Variants in DHRSX observed in about 807,000 individuals in gnomAD.
DHRSX encodes polyprenol dehydrogenase.
Under a neutral mutation model 34.0 loss-of-function variants are expected in DHRSX, and 31 were observed. The ratio of observed to expected loss-of-function variants is 0.91; its 90% CI spans 0.69 to 1.23. The LOEUF (loss-of-function observed/expected upper bound fraction) is 1.23. Among genes scored for constraint, DHRSX ranks in the 50% most tolerant of loss-of-function variants. The pLI is 0.00. For missense variants in DHRSX, 414 were observed against 428.1 expected (o/e 0.97, Z 0.29); for synonymous variants, 201 against 183.8 (o/e 1.09, Z -0.76).
chrX:2,327,108 C>T (rs1369619819), intron 3 of DHRSX, among the ~76,000 whole-genome samples: 15 of 152,142 alleles, frequency 9.9e-5, no homozygotes, highest in African/African-American at 3.6e-4. Flanking sequence ...CCACCGTGCC[C>T]GACCAGATTT....
At chrX:2,328,889 T>C (rs145461883) in intron 3 of DHRSX, among the ~76,000 whole-genome samples, 2,016 of 151,454 alleles carry the variant, frequency 0.013, 59 homozygotes, top group African/African-American at 0.046. Flanking sequence ...CCCGGAAGAG[T>C]GTTCTGTATG....
chrX:2,330,551 A>AAGGG (rs1196480422), intron 3 of DHRSX, among the ~76,000 whole-genome samples: 1 of 124,518 alleles, frequency 8.0e-6, no homozygotes, highest in Non-Finnish European at 1.7e-5. Flanking sequence ...AAGGGAAGGG[A>AAGGG]AGGGAGGGGA....
At chrX:2,359,685 A>G (rs1291673979) in intron 3 of DHRSX, among the ~76,000 whole-genome samples, 3 of 152,060 alleles carry the variant, frequency 2.0e-5, no homozygotes, top group South Asian at 2.1e-4. Flanking sequence ...ATATCAAAAA[A>G]AAAGAAAGAA....
At chrX:2,330,895 G>A (rs2042464108) in intron 3 of DHRSX, among the ~76,000 whole-genome samples, 2 of 152,132 alleles carry the variant, frequency 1.3e-5, no homozygotes, top group South Asian at 4.1e-4. Context: ...CAAAGAGCCT[G>A]GTCCAGGCCA....
Position 2,374,774 on chromosome X carries a change from T to A in DHRSX, c.286+33971A>T, listed in dbSNP as rs1313145740. On this transcript the variant is annotated intron_variant, in intron 3 of 6. Transcript: ENST00000334651. Reference sequence around the variant, plus strand: ...AAAAAACAAAAAACGAAAAACAAAGTCTTCTCGAAACAGACCACAGCAAGG... The same window carrying A: ...AAAAAACAAAAAACGAAAAACAAAGACTTCTCGAAACAGACCACAGCAAGG... Among the ~76,000 whole-genome samples, 2 of 125,402 alleles carry A rather than the reference T, an allele frequency of 1.6e-5. 1 individual carries two copies. The highest frequency in any genetic ancestry group is 3.8e-5 in the Non-Finnish European group (2 of 52,826). The allele number at this position is 125,402 out of a possible 152,430, so 82.3% of individuals were successfully genotyped here. A position where few individuals can be genotyped will look rare whatever the true frequency, so the allele number is the denominator to read the frequency against.
At chrX:2,399,045 G>T (rs1411251766) in intron 3 of DHRSX, among the ~76,000 whole-genome samples, 1 of 151,862 alleles carries the variant, frequency 6.6e-6, no homozygotes, top group Non-Finnish European at 1.5e-5. Context: ...TAGTAGAGAC[G>T]GGGTTTCACT....
intron 4 of DHRSX, among the ~76,000 whole-genome samples, chrX:2,275,847 A>AAT (rs1417170328): frequency 0.016 from 2,452 of 150,830 alleles, 38 homozygotes; most frequent in Non-Finnish European, 0.025. Flanking sequence ...AAAAATTTTA[A>AAT]TTTAATTTTA....
At chrX:2,289,019 C>T (rs1439343290) in intron 4 of DHRSX, among the ~76,000 whole-genome samples, 1 of 152,200 alleles carries the variant, frequency 6.6e-6, no homozygotes, top group Non-Finnish European at 1.5e-5. Context: ...CCTGTATCCA[C>T]TGTCACAGAT....
At chrX:2,243,790 T>TTTTTTTTGTTTTTTTTTG (rs1244218317) in intron 5 of DHRSX, among the ~76,000 whole-genome samples, 7 of 26,074 alleles carry the variant, frequency 2.7e-4, no homozygotes, top group African/African-American at 2.2e-3. Flanking sequence ...TGCTCCCTGT[T>TTTTTTTTGTTTTTTTTTG]TTTTTTTTTT....
At chrX:2,430,647 T>C (rs923222885) in intron 1 of DHRSX, among the ~76,000 whole-genome samples, 1 of 152,112 alleles carries the variant, frequency 6.6e-6, no homozygotes, top group Non-Finnish European at 1.5e-5. Context: ...CAGCGCCTGT[T>C]TGACCCTTCA....
rs185966904 is a variant in DHRSX at position 2,220,691 on chromosome X, C to G, written c.*350G>C. On this transcript the variant is annotated 3_prime_UTR_variant, in exon 7 of 7. Coordinates refer to ENST00000334651, the MANE Select transcript of DHRSX (RefSeq NM_145177.3). ...GGTCTCAGAGAGGACATTGCAGCCC[C>G]TGAAAAGAGAGCATCTCTCTTGGAA... The G allele has an allele frequency of 1.3e-3, 338 of 251,880 alleles. No homozygotes were observed. Among genetic ancestry groups the G allele is most frequent in the Non-Finnish European group, 2.1e-3 (277 of 132,524 alleles). 15.6% of individuals were successfully genotyped at this position (251,880 alleles called of 1,614,324 possible).
intron 3 of DHRSX, among the ~76,000 whole-genome samples, chrX:2,291,896 AT>A (rs928376249): frequency 0.015 from 1,402 of 96,098 alleles, 24 homozygotes; most frequent in African/African-American, 0.044. Context: ...GTATTTTTGT[AT>A]TTTTTTTTTT....
At chrX:2,338,384 C>T (rs893518003) in intron 3 of DHRSX, among the ~76,000 whole-genome samples, 1 of 151,576 alleles carries the variant, frequency 6.6e-6, no homozygotes, top group Non-Finnish European at 1.5e-5. Flanking sequence ...AACCATTCTA[C>T]AAGCAGGAGA....
At chrX:2,422,345 C>T (rs1268818909) in intron 2 of DHRSX, among the ~76,000 whole-genome samples, 4 of 152,076 alleles carry the variant, frequency 2.6e-5, no homozygotes, top group Non-Finnish European at 4.4e-5. Context: ...TCACTGCAAC[C>T]TCCGGCTCCC....
At chrX:2,481,838 G>A (rs1204526386) in intron 1 of DHRSX, among the ~76,000 whole-genome samples, 2 of 152,090 alleles carry the variant, frequency 1.3e-5, no homozygotes, top group Non-Finnish European at 2.9e-5. Context: ...CCATGGCAGG[G>A]CTCATCCTCC....
At chrX:2,452,176 A>C (rs1481355320) in intron 1 of DHRSX, among the ~76,000 whole-genome samples, 1 of 152,060 alleles carries the variant, frequency 6.6e-6, no homozygotes, top group East Asian at 1.9e-4. Context: ...AATGTGGCTA[A>C]GGGACCGCCG....
chrX:2,360,564 C>T (rs2042920886), intron 3 of DHRSX, among the ~76,000 whole-genome samples: 1 of 152,116 alleles, frequency 6.6e-6, no homozygotes, highest in South Asian at 2.1e-4. Flanking sequence ...GCCTGGGCAA[C>T]AGAGTGAGAC....
chrX:2,231,950 T>TCC (rs2015899730), intron 6 of DHRSX, among the ~76,000 whole-genome samples: 2 of 149,234 alleles, frequency 1.3e-5, no homozygotes, highest in African/African-American at 5.1e-5. Context: ...TCTCTCCTCC[T>TCC]TCTCTTTTCT....
intron 3 of DHRSX, among the ~76,000 whole-genome samples, chrX:2,317,403 C>T (rs910224963): frequency 1.9e-4 from 29 of 151,742 alleles, no homozygotes; most frequent in Non-Finnish European, 3.2e-4. Flanking sequence ...AGGCATGCAA[C>T]GCCACGCCCT....
Sources: allele counts gnomAD v4.1 joint callset (sites outside exome capture counted in the v4.1 genomes callset), GRCh38; gene constraint gnomAD v4.1.1; transcripts MANE v1.5; gene names NCBI Gene and HGNC (gene_info 2026-07-23, HGNC 2026-07-21).